Variants in CSMD1 observed in about 807,000 individuals in gnomAD.
CSMD1 encodes CUB and Sushi multiple domains 1.
CSMD1 carries 213 observed loss-of-function variants against 417.5 expected under a neutral mutation model. The ratio of observed to expected loss-of-function variants is 0.51; its 90% confidence interval spans 0.46 to 0.57. The LOEUF (loss-of-function observed/expected upper bound fraction) is 0.57, where lower values mean the gene tolerates loss of function less well. Among genes scored for constraint, CSMD1 ranks in the 20% least tolerant of loss-of-function variants. CSMD1 has a pLI of 0.00. For synonymous variants in CSMD1, 2,862 were observed against 1,736.8 expected (o/e 1.65, Z -16.11); for missense variants, 6,923 against 4,529.7 (o/e 1.53, Z -15.17).
intron 7 of CSMD1, among the ~76,000 whole-genome samples, chr8:3,632,775 G>T (rs1285852470): frequency 6.6e-6 from 1 of 152,088 alleles, no homozygotes; most frequent in Non-Finnish European, 1.5e-5. Flanking sequence ...TTTGTTTTTG[G>T]CAGTCTCCAT....
chr8:3,812,364 T>C (rs772861964), intron 5 of CSMD1, among the ~76,000 whole-genome samples: 4 of 152,182 alleles, frequency 2.6e-5, no homozygotes, highest in African/African-American at 9.6e-5. Flanking sequence ...TCAGCCTCTA[T>C]ACCAGGTAGT....
chr8:3,105,316 T>C (rs1005709398), intron 46 of CSMD1, among the ~76,000 whole-genome samples: 3 of 152,138 alleles, frequency 2.0e-5, no homozygotes, highest in African/African-American at 7.2e-5. Context: ...TCACTCACCC[T>C]AAGGAATGAC....
At chr8:3,591,482 A>C (rs541323760) in intron 8 of CSMD1, among the ~76,000 whole-genome samples, 7 of 152,314 alleles carry the variant, frequency 4.6e-5, no homozygotes, top group Admixed American at 2.0e-4. Context: ...CATTGGTATC[A>C]TAACTATTTT....
At chr8:3,787,128 G>A (rs560672628) in intron 5 of CSMD1, among the ~76,000 whole-genome samples, 1 of 152,064 alleles carries the variant, frequency 6.6e-6, no homozygotes, top group Non-Finnish European at 1.5e-5. Context: ...AAGAGGAAGG[G>A]TAGTCAAAAC....
chr8:4,011,848 G>A (rs1459587053), intron 4 of CSMD1, among the ~76,000 whole-genome samples: 1 of 151,962 alleles, frequency 6.6e-6, no homozygotes, highest in Non-Finnish European at 1.5e-5. Flanking sequence ...GTATCCATTG[G>A]GAATTGGTTC....
At chr8:4,666,177 C>T (rs898189363) in intron 1 of CSMD1, among the ~76,000 whole-genome samples, 34 of 152,042 alleles carry the variant, frequency 2.2e-4, no homozygotes, top group African/African-American at 8.2e-4. Flanking sequence ...TAATGACCTC[C>T]CAAGGATGTC....
At chr8:3,112,723 A>T (rs1174895634) in intron 42 of CSMD1, among the ~76,000 whole-genome samples, 1 of 152,210 alleles carries the variant, frequency 6.6e-6, no homozygotes, top group Non-Finnish European at 1.5e-5. Flanking sequence ...GAAGAGAGAT[A>T]TTAAGCAAAC....
At chr8:3,809,392 G>A (rs1800935426) in intron 5 of CSMD1, among the ~76,000 whole-genome samples, 1 of 152,198 alleles carries the variant, frequency 6.6e-6, no homozygotes, top group African/African-American at 2.4e-5. Flanking sequence ...CTGTTTCAGA[G>A]AATTAGGGAC....
intron 1 of CSMD1, among the ~76,000 whole-genome samples, chr8:4,915,311 G>A (rs1346491079): frequency 1.3e-5 from 2 of 152,128 alleles, no homozygotes; most frequent in Non-Finnish European, 1.5e-5. Flanking sequence ...ACTTTCCCGT[G>A]TGGATTTATT....
chr8:3,926,242 TA>T (rs1563218632), intron 5 of CSMD1, among the ~76,000 whole-genome samples: 1 of 152,206 alleles, frequency 6.6e-6, no homozygotes. Context: ...TTTTATGTGT[TA>T]ATGGTAAAAT....
intron 20 of CSMD1, among the ~76,000 whole-genome samples, 184 bp from the exon 21 acceptor site, chr8:3,359,524 T>C (rs1478247653): frequency 6.7e-6 from 1 of 150,144 alleles, no homozygotes; most frequent in African/African-American, 2.5e-5. Context: ...TTATGACAAA[T>C]GACATGGGAT....
chr8:4,511,368 C>T (rs560210081), intron 2 of CSMD1, among the ~76,000 whole-genome samples: 5 of 152,292 alleles, frequency 3.3e-5, no homozygotes, highest in South Asian at 2.1e-4. Flanking sequence ...GCTTCTCCTT[C>T]GCAGGAGAAT....
chr8:3,888,689 C>T (rs1214431508), intron 5 of CSMD1, among the ~76,000 whole-genome samples: 1 of 152,066 alleles, frequency 6.6e-6, no homozygotes, highest in Non-Finnish European at 1.5e-5. Flanking sequence ...AAAGAGGCTG[C>T]CGGGACAGAG....
chr8:3,788,417 G>T (rs1799560961), intron 5 of CSMD1, among the ~76,000 whole-genome samples: 1 of 152,112 alleles, frequency 6.6e-6, no homozygotes, highest in African/African-American at 2.4e-5. Flanking sequence ...GAGGCTTCTG[G>T]AGGTGCCCAA....
At chr8:3,299,382 G>T (rs982738432) in intron 25 of CSMD1, among the ~76,000 whole-genome samples, 1 of 152,176 alleles carries the variant, frequency 6.6e-6, no homozygotes, top group Non-Finnish European at 1.5e-5. Flanking sequence ...AACTCTGGAG[G>T]TGGAGGTTGC....
Position 4,491,274 on chromosome 8 carries a change from A to C in CSMD1, c.303-71209T>G, listed in dbSNP as rs141764958. On this transcript the variant is annotated intron_variant, in intron 2 of 69. Coordinates refer to ENST00000635120, the MANE Select transcript of CSMD1 (RefSeq NM_033225.6). ...ATGAATTTAGAGAGACCATCACGGA[A>C]GATCCCAAGAGGAGATGCCTGACGT... is the stretch of plus-strand genomic sequence containing the variant. Among the ~76,000 whole-genome samples the C allele has an allele frequency of 2.4e-4, 37 of 152,304 alleles. No individual in the cohort carries two copies. In the East Asian group the frequency reaches 5.6e-3, roughly 23 times the overall value.
intron 3 of CSMD1, among the ~76,000 whole-genome samples, chr8:4,320,148 A>G (rs1248502428): frequency 2.0e-5 from 3 of 152,196 alleles, no homozygotes; most frequent in African/African-American, 4.8e-5. Context: ...ACAAAGCACA[A>G]AACTTTATTT....
At chr8:4,102,368 A>G (rs1801349041) in intron 3 of CSMD1, among the ~76,000 whole-genome samples, 2 of 152,206 alleles carry the variant, frequency 1.3e-5, no homozygotes, top group South Asian at 4.1e-4. Context: ...TGCAAGAGAA[A>G]CTGGACATTG....
chr8:3,743,828 A>C (rs756796177), intron 6 of CSMD1, among the ~76,000 whole-genome samples: 1 of 152,160 alleles, frequency 6.6e-6, no homozygotes, highest in Non-Finnish European at 1.5e-5. Context: ...ACACAAATGC[A>C]TATCTGCTTC....
Sources: gnomAD v4.1 joint callset for allele counts (sites outside exome capture counted in the v4.1 genomes callset) on GRCh38, gnomAD v4.1.1 for gene constraint, MANE v1.5 for transcripts, NCBI Gene and HGNC (gene_info 2026-07-23, HGNC 2026-07-21) for gene names.